SCOC: variants seen among roughly 807,000 people sequenced by gnomAD.
SCOC encodes the protein short coiled coil protein.
A neutral mutation model predicts 9.9 loss-of-function variants in SCOC; 7 were observed. That is an observed-to-expected ratio of 0.71 (90% CI 0.40 to 1.33). SCOC has a LOEUF of 1.33. Ranked by LOEUF, SCOC falls within the 40% of genes most tolerant of loss-of-function variation. The probability of loss-of-function intolerance (pLI) is 0.01; values close to 1 mark genes in which losing one functional copy is unlikely to be tolerated. For missense variants in SCOC, 66 were observed against 89.7 expected (o/e 0.74, Z 1.07); for synonymous variants, 19 against 28.2 (o/e 0.67, Z 1.03).
chr4:140,289,561 G>C (rs1731407214), intron 1 of SCOC, among the ~76,000 whole-genome samples: 1 of 152,204 alleles, frequency 6.6e-6, no homozygotes, highest in Non-Finnish European at 1.5e-5. Context: ...TGGGCAGACA[G>C]GGCAAATTCG....
chr4:140,288,154 G>C (rs147292496), intron 1 of SCOC, among the ~76,000 whole-genome samples: 11 of 151,752 alleles, frequency 7.2e-5, no homozygotes, highest in African/African-American at 2.7e-4. Flanking sequence ...TTTATGTATA[G>C]ATACCACATA....
intron 1 of SCOC, among the ~76,000 whole-genome samples, chr4:140,276,756 C>G (rs192998934): frequency 6.6e-6 from 1 of 151,890 alleles, no homozygotes; most frequent in Non-Finnish European, 1.5e-5. Flanking sequence ...CTCGGCCAGC[C>G]ACTCTCCCAG....
intron 1 of SCOC, among the ~76,000 whole-genome samples, chr4:140,375,513 G>T (rs1050554401): frequency 6.6e-6 from 1 of 151,960 alleles, no homozygotes; most frequent in Non-Finnish European, 1.5e-5. Context: ...TAATCATTGT[G>T]CCAGGCTGCC....
intron 2 of SCOC, among the ~76,000 whole-genome samples, chr4:140,347,077 G>A (rs1353971350): frequency 6.6e-6 from 1 of 152,180 alleles, no homozygotes; most frequent in Non-Finnish European, 1.5e-5. Context: ...GTTATGCAGT[G>A]CCCAACAGGT....
chr4:140,349,070 C>G (rs1726866250), intron 2 of SCOC, among the ~76,000 whole-genome samples: 1 of 152,152 alleles, frequency 6.6e-6, no homozygotes, highest in Admixed American at 6.6e-5. Flanking sequence ...TGTTTTCTTG[C>G]ATTTTCCACT....
intron 2 of SCOC, among the ~76,000 whole-genome samples, chr4:140,363,379 G>C (rs1578863302): frequency 6.6e-6 from 1 of 152,016 alleles, no homozygotes; most frequent in East Asian, 1.9e-4. Context: ...AAAATTTTTT[G>C]GAGATTGTGA....
chr4:140,375,356 A>C (rs1728299592), intron 1 of SCOC, among the ~76,000 whole-genome samples: 1 of 152,250 alleles, frequency 6.6e-6, no homozygotes, highest in African/African-American at 2.4e-5. Flanking sequence ...ACTCATTCTC[A>C]CAACAAACCC....
At chr4:140,334,962 CA>C (rs1269783803) in intron 1 of SCOC, among the ~76,000 whole-genome samples, 1 of 152,058 alleles carries the variant, frequency 6.6e-6, no homozygotes, top group South Asian at 2.1e-4. Flanking sequence ...AAATAAAAAA[CA>C]GGAAATCTTG....
chr4:140,366,100 T>C (rs747764032), intron 2 of SCOC: 39 of 370,176 alleles, frequency 1.1e-4, no homozygotes, highest in Non-Finnish European at 1.7e-4. Flanking sequence ...ATCATGTTTG[T>C]ATAATGCAAT....
At chr4:140,380,874 T>TACAA in intron 3 of SCOC, 88 bp from the exon 4 acceptor site, 2 of 1,060,324 alleles carry the variant, frequency 1.9e-6, no homozygotes, top group South Asian at 2.0e-5. Flanking sequence ...ATTGTATTAT[T>TACAA]TCTTTTAAGA....
chr4:140,366,713 T>C, intron 2 of SCOC: 1 of 1,587,042 alleles, frequency 6.3e-7, no homozygotes, highest in Non-Finnish European at 8.6e-7. Flanking sequence ...TTGAAAGGCA[T>C]GGTCTGTCTC....
At chr4:140,280,176 G>A (rs192322272) in intron 1 of SCOC, among the ~76,000 whole-genome samples, 187 of 152,202 alleles carry the variant, frequency 1.2e-3, no homozygotes, top group African/African-American at 4.2e-3. Context: ...GAGTGCAGTG[G>A]CGTGACCTCA....
chr4:140,287,394 C>T (rs965306992), intron 1 of SCOC, among the ~76,000 whole-genome samples: 3 of 151,708 alleles, frequency 2.0e-5, no homozygotes. Flanking sequence ...CCATAGACCA[C>T]ACATATGTAC....
intron 1 of SCOC, among the ~76,000 whole-genome samples, chr4:140,298,618 A>G (rs1055794494): frequency 1.3e-5 from 2 of 152,116 alleles, no homozygotes; most frequent in Non-Finnish European, 2.9e-5. Context: ...TTGGGGACCC[A>G]CCAGCCTCTG....
At chr4:140,263,773 G>T (rs938756689) in intron 1 of SCOC, among the ~76,000 whole-genome samples, 1 of 152,132 alleles carries the variant, frequency 6.6e-6, no homozygotes, top group African/African-American at 2.4e-5. Flanking sequence ...CTCAGGAAGG[G>T]TCACAGAGGT....
chr4:140,374,519 CA>C (rs1728246530), intron 1 of SCOC, among the ~76,000 whole-genome samples: 1 of 152,114 alleles, frequency 6.6e-6, no homozygotes, highest in Non-Finnish European at 1.5e-5. Context: ...CTCATTTGGC[CA>C]AACAGTTCCT....
intron 2 of SCOC, among the ~76,000 whole-genome samples, chr4:140,351,842 A>T (rs1254581420): frequency 3.3e-5 from 5 of 152,066 alleles, no homozygotes; most frequent in Non-Finnish European, 7.4e-5. Flanking sequence ...AAGGAAATAG[A>T]CTTGTGGCTC....
intron 1 of SCOC, among the ~76,000 whole-genome samples, chr4:140,304,324 C>G (rs1305329509): frequency 7.2e-5 from 11 of 151,794 alleles, no homozygotes; most frequent in Non-Finnish European, 4.4e-5. Context: ...GGTAGGAGGT[C>G]GGGGAGAGAT....
At chr4:140,379,072 A>G (rs759388025) in intron 1 of SCOC, 49 bp from the exon 2 acceptor site, 2 of 1,101,216 alleles carry the variant, frequency 1.8e-6, no homozygotes, top group Non-Finnish European at 2.8e-6. Context: ...AAACAGGCTT[A>G]TAGTTTATTG....
Sources: gnomAD v4.1 joint callset for allele counts (sites outside exome capture counted in the v4.1 genomes callset) on GRCh38, gnomAD v4.1.1 for gene constraint, MANE v1.5 for transcripts, NCBI Gene and HGNC (gene_info 2026-07-23, HGNC 2026-07-21) for gene names.